Variants in DISC1 observed in about 807,000 individuals in gnomAD.
DISC1 encodes DISC1 scaffold protein.
In DISC1, 57 loss-of-function variants were observed where a neutral mutation model predicts 84.5. That is an observed-to-expected ratio of 0.67 (90% CI 0.55 to 0.84). The LOEUF (loss-of-function observed/expected upper bound fraction) is 0.84, where lower values mean the gene tolerates loss of function less well. Ranked by LOEUF, DISC1 falls within the 40% of genes least tolerant of loss-of-function variation. DISC1 has a pLI of 0.00. For missense variants in DISC1, 1,000 were observed against 1,057.8 expected, an observed-to-expected ratio of 0.95 and a Z score of 0.76; for synonymous variants, 411 against 415.2, an observed-to-expected ratio of 0.99 and a Z score of 0.12.
chr1:231,778,050 G>C (rs561554584), intron 6 of DISC1, among the ~76,000 whole-genome samples: 65 of 152,266 alleles, frequency 4.3e-4, no homozygotes, highest in African/African-American at 1.5e-3. Context: ...CCGTGGGTCT[G>C]TGGGCCCAAG....
chr1:231,836,901 T>TA (rs140830898), intron 9 of DISC1, among the ~76,000 whole-genome samples: 40,744 of 152,056 alleles, frequency 0.27, 5,925 homozygotes, highest in Middle Eastern at 0.33. Flanking sequence ...CCCATATTTG[T>TA]AGTCAGTCTC....
chr1:231,945,652 C>A (rs1339833636), intron 9 of DISC1, among the ~76,000 whole-genome samples: 1 of 152,048 alleles, frequency 6.6e-6, no homozygotes, highest in Non-Finnish European at 1.5e-5. Flanking sequence ...AAAAACCTTT[C>A]AAAAAATCAA....
chr1:231,737,363 C>G (rs1281844093), intron 3 of DISC1, among the ~76,000 whole-genome samples: 1 of 152,216 alleles, frequency 6.6e-6, no homozygotes, highest in Non-Finnish European at 1.5e-5. Context: ...AATATTATTG[C>G]TGTTCTTTTA....
chr1:231,825,545 G>T lies in DISC1; in HGVS notation c.1981+7028G>T, dbSNP rs376235735. ...AGAGTGATGGTAAGTGGAACTTCAT[G>T]ATCTTAAAGAAGAGCCTGTTTGCCA... On this transcript the variant is annotated intron_variant, in intron 9 of 12. Coordinates refer to ENST00000439617, the MANE Select transcript of DISC1 (RefSeq NM_018662.3). Among the ~76,000 whole-genome samples the T allele has an allele frequency of 3.3e-5, 5 of 152,272 alleles. No individual in the cohort carries two copies. The South Asian group carries it at 6.2e-4, about 19-fold the overall frequency.
rs924999116 is a variant in DISC1 at position 231,767,363 on chromosome 1, T to C, written c.1398+94T>C. 4.6e-6 allele frequency: 7 copies of C among 1,530,442 alleles called. No homozygotes were observed. In the African/African-American group the frequency reaches 9.6e-5, roughly 21 times the overall value. The allele number at this position is 1,530,442 out of a possible 1,614,324, so 94.8% of individuals were successfully genotyped here. On this transcript the variant is annotated intron_variant, in intron 5 of 12. Transcript: ENST00000439617. ...TGTTGCCTAGGTTGGAGGGCAGTGG[T>C]GCAATCATAGCTCATTGCAGCCTTG...
At chr1:231,857,795 G>A (rs191138624) in intron 9 of DISC1, among the ~76,000 whole-genome samples, 13 of 152,170 alleles carry the variant, frequency 8.5e-5, no homozygotes, top group Non-Finnish European at 1.3e-4. Context: ...AATGTGGACC[G>A]GCTACCCGGA....
intron 9 of DISC1, among the ~76,000 whole-genome samples, chr1:231,893,622 G>A (rs944711628): frequency 6.6e-6 from 1 of 152,120 alleles, no homozygotes; most frequent in Admixed American, 6.6e-5. Context: ...GTAATTCTGG[G>A]ACTGGGCTAC....
intron 9 of DISC1, among the ~76,000 whole-genome samples, chr1:231,919,637 C>A (rs2089874757): frequency 6.6e-6 from 1 of 152,146 alleles, no homozygotes; most frequent in Non-Finnish European, 1.5e-5. Context: ...GACAGAAAGA[C>A]CTTTTTTCTG....
At chr1:231,862,730 C>T (rs935241252) in intron 9 of DISC1, among the ~76,000 whole-genome samples, 1 of 152,156 alleles carries the variant, frequency 6.6e-6, no homozygotes, top group Non-Finnish European at 1.5e-5. Context: ...CTTTGCTGCA[C>T]TTGGAAAGAC....
rs537274888 is a variant in DISC1, at chr1:231,954,974, T to A, written c.1982-3854T>A. Among the ~76,000 whole-genome samples, 3 of 152,344 alleles carry A rather than the reference T, an allele frequency of 2.0e-5. No individual in the cohort carries two copies. In the East Asian group the frequency reaches 5.8e-4, roughly 29 times the overall value. The stretch of plus-strand genomic sequence containing the variant: ...AAAGCCCATGGCTTTGCCTGGAAGT[T>A]CTTGTGCAGGTCCAGCGTGTCACCA... On this transcript the variant is annotated intron_variant, in intron 9 of 12. Coordinates refer to ENST00000439617, the MANE Select transcript of DISC1 (RefSeq NM_018662.3). The surrounding 1 kb of genome is among the most constrained non-coding windows in gnomAD (Gnocchi z 4.8).
chr1:231,721,635 T>C (rs1348006426), intron 3 of DISC1, among the ~76,000 whole-genome samples: 1 of 152,176 alleles, frequency 6.6e-6, no homozygotes, highest in African/African-American at 2.4e-5. Flanking sequence ...TGGATCCATG[T>C]ATTCTCTTCA....
chr1:231,849,042 CACTTTG>C (rs1268657890), intron 9 of DISC1, among the ~76,000 whole-genome samples: 1 of 152,034 alleles, frequency 6.6e-6, no homozygotes, highest in African/African-American at 2.4e-5. Flanking sequence ...ATTTGTTGAA[CACTTTG>C]TACCTGCTGA....
intron 10 of DISC1, among the ~76,000 whole-genome samples, chr1:231,980,152 A>G (rs1238666268): frequency 6.6e-6 from 1 of 152,104 alleles, no homozygotes; most frequent in Non-Finnish European, 1.5e-5. Flanking sequence ...TTTTAATTCA[A>G]TTTTTATCCT....
intron 3 of DISC1, 65 bp downstream of exon 3, chr1:231,702,089 C>A: frequency 6.4e-7 from 1 of 1,559,896 alleles, no homozygotes; most frequent in South Asian, 1.2e-5. Context: ...CATCTTTACT[C>A]ATATCTACCT....
chr1:231,650,800 A>G (rs1429340023), intron 1 of DISC1, among the ~76,000 whole-genome samples: 1 of 151,828 alleles, frequency 6.6e-6, no homozygotes, highest in East Asian at 1.9e-4. Context: ...TTCTCGCCTT[A>G]TTTCATTAAT....
intron 12 of DISC1, among the ~76,000 whole-genome samples, chr1:232,036,403 G>A (rs1018447709): frequency 2.6e-5 from 4 of 152,168 alleles, no homozygotes; most frequent in Admixed American, 2.6e-4. Context: ...ATATCATTGA[G>A]CATCTGAGTT....
intron 3 of DISC1, among the ~76,000 whole-genome samples, chr1:231,718,711 C>T (rs2069150255): frequency 6.6e-6 from 1 of 152,220 alleles, no homozygotes; most frequent in South Asian, 2.1e-4. Context: ...GCTGAGATTA[C>T]AGGCATGAGC....
chr1:231,816,434 C>G (rs1247921490), intron 8 of DISC1, among the ~76,000 whole-genome samples: 1 of 152,094 alleles, frequency 6.6e-6, no homozygotes, highest in African/African-American at 2.4e-5. Flanking sequence ...TTTGATAAAG[C>G]CCATTTATCC....
chr1:231,800,995 C>CTAT (rs1184119004), intron 8 of DISC1, among the ~76,000 whole-genome samples: 33 of 151,754 alleles, frequency 2.2e-4, no homozygotes, highest in African/African-American at 8.0e-4. Context: ...GTTGAATGGA[C>CTAT]CCAGAGCTCA....
Sources: gnomAD v4.1 joint callset for allele counts (sites outside exome capture counted in the v4.1 genomes callset) on GRCh38, gnomAD v4.1.1 for gene constraint, Gnocchi (gnomAD v3.1) non-coding constraint, MANE v1.5 for transcripts, NCBI Gene and HGNC (gene_info 2026-07-23, HGNC 2026-07-21) for gene names.